The following TET3 variants were observed in gnomAD, a reference collection of about 807,000 sequenced individuals.
TET3 encodes methylcytosine dioxygenase TET3.
TET3 carries 19 observed loss-of-function variants against 141.4 expected under a neutral mutation model. That is an observed-to-expected ratio of 0.13 (90% CI 0.09 to 0.20). The LOEUF (loss-of-function observed/expected upper bound fraction) is 0.20, where lower values mean the gene tolerates loss of function less well. TET3 is among the 10% of genes least tolerant of loss of function. The pLI, the probability that TET3 is intolerant of heterozygous loss-of-function variation, is 1.00. For missense variants in TET3, 1,874 were observed against 2,356.9 expected, an observed-to-expected ratio of 0.80 and a Z score of 4.24; for synonymous variants, 1,043 against 980.9, an observed-to-expected ratio of 1.06 and a Z score of -1.18.
rs1008280657 is a variant in TET3 at position 74,066,169 on chromosome 2, C to T, written c.2495-7380C>T. Among the ~76,000 whole-genome samples the T allele has an allele frequency of 7.2e-5, 11 of 152,090 alleles. No homozygotes were observed. In the South Asian group the frequency reaches 1.0e-3, roughly 14 times the overall value. ...TTATGTTTCTCCAGTGGACAGGACC[C>T]GAGTTCATAATGATATTTATAATTC... is the stretch of plus-strand genomic sequence containing the variant. On this transcript the variant is annotated intron_variant, in intron 4 of 11. Transcript: ENST00000409262.
the TET3 span, chr2:74,135,039 C>T: frequency 4.1e-6 from 1 of 242,078 alleles, no homozygotes; most frequent in African/African-American, 2.3e-5. Flanking sequence ...GTGGGCTCTG[C>T]CTCCTACCAA....
At position 74,047,883 on chromosome 2, in the gene TET3, G is replaced by A. The variant is rs764517865; in HGVS notation, c.1966G>A (p.Val656Met). 19 of 1,613,008 alleles carry A rather than the reference G, an allele frequency of 1.2e-5. No individual in the cohort carries two copies. The East Asian group carries it at 3.6e-4, about 30-fold the overall frequency. ...TCTGCCTGCCTCACAGGGCTCTGCT[G>A]TGCCCCTGCCCCCAGAACCTTCTCT... ...APLPASQGSAVPLPPEPSLAL... is the reference protein window; with the variant it reads ...APLPASQGSAMPLPPEPSLAL... The change falls in exon 4 of 12, where the codon GTG (valine) becomes ATG (methionine). Residue 656 changes from valine (V) to methionine (M), a missense_variant. Around this residue, in one of 10 missense-constraint regions of TET3, gnomAD observed 484 missense variants for 462.2 expected, o/e 1.05. Coordinates refer to ENST00000409262, the MANE Select transcript of TET3 (RefSeq NM_001287491.2).
At chr2:74,008,334 T>G (rs1433823381) in intron 3 of TET3, among the ~76,000 whole-genome samples, 1 of 152,220 alleles carries the variant, frequency 6.6e-6, no homozygotes, top group Non-Finnish European at 1.5e-5. Flanking sequence ...GGGAGTCTGA[T>G]GGAGGCCCGT....
intron 7 of TET3, among the ~76,000 whole-genome samples, chr2:74,089,625 C>T (rs1690363383): frequency 6.6e-6 from 1 of 152,234 alleles, no homozygotes; most frequent in African/African-American, 2.4e-5. Flanking sequence ...GATTCTTCCC[C>T]CTTACTTCCG....
At chr2:74,133,743 GT>G in the TET3 span, among the ~76,000 whole-genome samples, 1 of 152,044 alleles carries the variant, frequency 6.6e-6, no homozygotes, top group Non-Finnish European at 1.5e-5. Context: ...ACTTTATTCT[GT>G]TTTTTTGTTT....
chr2:74,059,226 A>G (rs539503282), intron 4 of TET3, among the ~76,000 whole-genome samples: 13 of 152,300 alleles, frequency 8.5e-5, no homozygotes, highest in Non-Finnish European at 1.6e-4. Context: ...AGATTCATCT[A>G]TATTGTGTTT....
At chr2:74,134,096 A>G in the TET3 span, among the ~76,000 whole-genome samples, 1 of 152,166 alleles carries the variant, frequency 6.6e-6, no homozygotes, top group Non-Finnish European at 1.5e-5. Context: ...GAGAAAGACA[A>G]ATAGGTTCCA....
the TET3 span, among the ~76,000 whole-genome samples, chr2:74,132,186 A>G: frequency 2.6e-5 from 4 of 152,156 alleles, no homozygotes; most frequent in African/African-American, 7.2e-5. Flanking sequence ...ACTTCAAGCC[A>G]GAGTCCAGCT....
the TET3 span, among the ~76,000 whole-genome samples, chr2:74,124,126 G>A: frequency 6.6e-6 from 1 of 151,278 alleles, no homozygotes; most frequent in African/African-American, 2.4e-5. Context: ...CAGGAGGTGG[G>A]GGGCAGCCCC....
At chr2:73,992,495 G>C (rs1400705714) in intron 2 of TET3, among the ~76,000 whole-genome samples, 2 of 151,888 alleles carry the variant, frequency 1.3e-5, no homozygotes, top group African/African-American at 2.4e-5. Flanking sequence ...TGTTTTTTTA[G>C]TAGAGAAGGG....
chr2:74,080,442 G>A lies in TET3; in HGVS notation c.2586-56G>A. ...CACTGAGGCTGTCTTCTGACCAAAA[G>A]TTGTTCTCCTTTGGGGTTCTGCTGT... is the stretch of plus-strand genomic sequence containing the variant. On this transcript the variant is annotated intron_variant, in intron 5 of 11. Transcript: ENST00000409262. 3.9e-6 allele frequency: 6 copies of A among 1,520,174 alleles called. No homozygotes were observed. In the South Asian group the frequency reaches 7.0e-5, roughly 18 times the overall value. The allele number at this position is 1,520,174 out of a possible 1,614,324, so 94.2% of individuals were successfully genotyped here.
At chr2:74,115,027 C>T in the TET3 span, among the ~76,000 whole-genome samples, 2 of 151,924 alleles carry the variant, frequency 1.3e-5, no homozygotes, top group African/African-American at 2.4e-5. Context: ...GGAAATGCTT[C>T]AGGACATTGG....
the TET3 span, among the ~76,000 whole-genome samples, chr2:74,120,427 C>A: frequency 6.6e-6 from 1 of 152,224 alleles, no homozygotes; most frequent in Non-Finnish European, 1.5e-5. Context: ...GGCTACGCCC[C>A]GGCCGCTCCA....
rs2104285465 is a variant in TET3, at chr2:74,107,694, T to C, written c.*5518T>C. On this transcript the variant is annotated 3_prime_UTR_variant, in exon 12 of 12. Coordinates refer to ENST00000409262, the MANE Select transcript of TET3 (RefSeq NM_001287491.2). ...TTGATGTGTTTTATTTCTTATCTCT[T>C]TGAATTCCTGTTTGGTTACTTGGCT... 1 of 152,340 alleles carries C rather than the reference T, an allele frequency of 6.6e-6. No individual in the cohort carries two copies. The highest frequency in any genetic ancestry group is 1.9e-4 in the East Asian group (1 of 5,188). 9.4% of individuals were successfully genotyped at this position (152,340 alleles called of 1,614,324 possible).
At chr2:74,059,876 T>C (rs973220476) in intron 4 of TET3, among the ~76,000 whole-genome samples, 1 of 152,224 alleles carries the variant, frequency 6.6e-6, no homozygotes, top group Non-Finnish European at 1.5e-5. Flanking sequence ...TTCATTCTCA[T>C]AGCTGTACAG....
chr2:74,099,014 G>A (rs765498010), intron 10 of TET3, among the ~76,000 whole-genome samples: 3 of 152,206 alleles, frequency 2.0e-5, no homozygotes, highest in Non-Finnish European at 4.4e-5. Context: ...CCCTTGCCAG[G>A]TATCTCATCT....
In TET3 at chr2:74,099,593, G is replaced by A. The variant is rs199813676; in HGVS notation, c.3585G>A (p.Ala1195=). 358 of 1,587,272 alleles carry A rather than the reference G, an allele frequency of 2.3e-4. No homozygotes were observed. In the African/African-American group the frequency reaches 3.9e-3, roughly 17 times the overall value. Residue 1195 remains alanine (A), a synonymous_variant, in exon 11 of 12, where the codon GCG becomes GCA. Coordinates refer to ENST00000409262, the MANE Select transcript of TET3 (RefSeq NM_001287491.2). ...TCAAGCAGGAGGCCCTGGAGCTGGC[G>A]GGCATTACGTCGGACCCAGGTGTGT... ...EKIKQEALEL[A]GITSDPGLSL... is the part of the protein sequence containing the mutation.
chr2:74,105,557 T>A lies in TET3; in HGVS notation c.*3381T>A. On this transcript the variant is annotated 3_prime_UTR_variant, in exon 12 of 12. Transcript: ENST00000409262. Reference sequence around the variant, plus strand: ...GGGCCAATGTTTCCCACACCCCGGCTTCATGGGTACTGCTTTGCCTTCTCA... The same window carrying A: ...GGGCCAATGTTTCCCACACCCCGGCATCATGGGTACTGCTTTGCCTTCTCA... The A allele has an allele frequency of 2.5e-6, 1 of 397,822 alleles. No individual in the cohort carries two copies. Among genetic ancestry groups the A allele is most frequent in the South Asian group, 1.4e-4 (1 of 6,990 alleles). 24.6% of individuals were successfully genotyped at this position (397,822 alleles called of 1,614,324 possible). A position where few individuals can be genotyped will look rare whatever the true frequency, so the allele number is the denominator to read the frequency against.
At chr2:74,061,047 G>T (rs1272415304) in intron 4 of TET3, among the ~76,000 whole-genome samples, 4 of 152,142 alleles carry the variant, frequency 2.6e-5, no homozygotes, top group African/African-American at 7.2e-5. Flanking sequence ...CCCAGACGGG[G>T]TGGTGGCCGG....
Sources: gnomAD v4.1 joint callset for allele counts (sites outside exome capture counted in the v4.1 genomes callset) on GRCh38, gnomAD v4.1.1 for gene constraint, gnomAD v4.1.1 regional missense constraint, MANE v1.5 for transcripts, NCBI Gene and HGNC (gene_info 2026-07-23, HGNC 2026-07-21) for gene names.